Variants in SPG11 observed in about 807,000 individuals in gnomAD.
SPG11 encodes the protein spatacsin.
In SPG11, 222 loss-of-function variants were observed where a neutral mutation model predicts 274.0. That is an observed-to-expected ratio of 0.81 (90% CI 0.73 to 0.91). SPG11 has a LOEUF of 0.91. Ranked by LOEUF, SPG11 falls within the 40% of genes least tolerant of loss-of-function variation. The pLI is 0.00. For missense variants in SPG11, 3,114 were observed against 2,872.7 expected (o/e 1.08, Z -1.92); for synonymous variants, 1,144 against 1,039.7 (o/e 1.10, Z -1.93).
chr15:44,585,702 T>G lies in SPG11; in HGVS notation c.5055A>C (p.Gln1685His). The G allele has an allele frequency of 6.2e-7, 1 of 1,613,804 alleles. No individual in the cohort carries two copies. Among genetic ancestry groups the G allele is most frequent in the Non-Finnish European group, 8.5e-7 (1 of 1,179,936 alleles). The change falls in exon 29 of 40, where the codon CAA (glutamine) becomes CAC (histidine). Residue 1685 changes from glutamine to histidine, a missense_variant. Gln to His is a conservative substitution (Grantham distance 24). Transcript: ENST00000261866. ...CTGCTACCCTCCTGGCCAAAGCGAA[T>G]TGTCCATCTGTCTGCAGTCTTTCCA... Reference protein sequence around the residue: ...SILERLQTDGQFALARRVAEL... With the variant: ...SILERLQTDGHFALARRVAEL...
At chr15:44,598,864 T>A in intron 21 of SPG11, 28 bp from the exon 22 acceptor site, 1 of 1,602,568 alleles carries the variant, frequency 6.2e-7, no homozygotes, top group Non-Finnish European at 8.5e-7. Flanking sequence ...CAAAATCACA[T>A]CAGCACATGA....
At chr15:44,656,771 T>A (rs1413129882) in intron 4 of SPG11, among the ~76,000 whole-genome samples, 1 of 152,128 alleles carries the variant, frequency 6.6e-6, no homozygotes, top group Non-Finnish European at 1.5e-5. Flanking sequence ...ATGGGAAACA[T>A]GAGAAAATTA....
At chr15:44,602,565 G>A (rs1053691289) in intron 20 of SPG11, among the ~76,000 whole-genome samples, 5 of 150,596 alleles carry the variant, frequency 3.3e-5, no homozygotes, top group Admixed American at 6.6e-5. Flanking sequence ...TGCAAGTTCC[G>A]CCTCCCGTAT....
At chr15:44,615,630 G>A in intron 15 of SPG11, 64 bp from the exon 16 acceptor site, 1 of 1,417,262 alleles carries the variant, frequency 7.1e-7, no homozygotes, top group Non-Finnish European at 1.0e-6. Context: ...ACCAAATCAT[G>A]CCCACAGTTT....
Position 44,626,405 on chromosome 15 carries a change from T to C in SPG11, c.2170A>G (p.Ile724Val). 3.1e-6 allele frequency: 5 copies of C among 1,613,918 alleles called. No individual in the cohort carries two copies. The highest frequency in any genetic ancestry group is 4.2e-6 in the Non-Finnish European group (5 of 1,179,918). The change falls in exon 11 of 40, where the codon ATA (isoleucine) becomes GTA (valine). Residue 724 changes from isoleucine to valine, a missense_variant. Coordinates refer to ENST00000261866, the MANE Select transcript of SPG11 (RefSeq NM_025137.4). ...SAQKLEELIG[I>V]GLNLVFDNLK... ...TTGTCAAAGACCAAATTTAGGCCTA[T>C]GCCAATAAGCTCCTCAAGTTTTTGA...
At chr15:44,608,383 G>T in intron 19 of SPG11, 61 bp downstream of exon 19, 1 of 1,548,208 alleles carries the variant, frequency 6.5e-7, no homozygotes, top group South Asian at 1.1e-5. Flanking sequence ...GATCTAGAGT[G>T]ATTTCTGTTT....
chr15:44,649,370 TAAAAAAC>T (rs1464083580), intron 6 of SPG11, among the ~76,000 whole-genome samples: 1 of 152,114 alleles, frequency 6.6e-6, no homozygotes, highest in Non-Finnish European at 1.5e-5. Context: ...AGCTAATTTT[TAAAAAAC>T]TGTTTTGCTA....
At position 44,637,012 on chromosome 15, in the gene SPG11, T is replaced by C. The variant is rs1308632335; in HGVS notation, c.1603-3375A>G. On this transcript the variant is annotated intron_variant, in intron 7 of 39. Transcript: ENST00000261866. ...TTAATAGTTGGTGAACTAGGTGAAA[T>C]TTAACTTAATGTTCATTTTACTAAT... is the stretch of plus-strand genomic sequence containing the variant. Among the ~76,000 whole-genome samples, 9 of 145,592 alleles carry C rather than the reference T, an allele frequency of 6.2e-5. No individual in the cohort carries two copies. In the Admixed American group the frequency reaches 6.2e-4, roughly 10 times the overall value.
At chr15:44,610,051 C>T (rs942120692) in intron 18 of SPG11, among the ~76,000 whole-genome samples, 3 of 151,612 alleles carry the variant, frequency 2.0e-5, no homozygotes, top group African/African-American at 7.3e-5. Flanking sequence ...TACAGGCGTA[C>T]GCTACCATGC....
At chr15:44,613,182 C>T (rs1049574565) in intron 17 of SPG11, among the ~76,000 whole-genome samples, 6 of 152,126 alleles carry the variant, frequency 3.9e-5, no homozygotes, top group African/African-American at 1.2e-4. Flanking sequence ...TTCTAGAGCA[C>T]GATGCTAAGG....
intron 30 of SPG11, among the ~76,000 whole-genome samples, chr15:44,578,931 G>A (rs1188032846): frequency 6.6e-6 from 1 of 152,160 alleles, no homozygotes; most frequent in African/African-American, 2.4e-5. Flanking sequence ...CAAGGTGGGT[G>A]GATCACCTGA....
At chr15:44,660,746 T>C (rs1056242309) in intron 1 of SPG11, 130 bp from the exon 2 acceptor site, 58 of 847,550 alleles carry the variant, frequency 6.8e-5, no homozygotes, top group Non-Finnish European at 9.9e-5. Flanking sequence ...TACACTTCAA[T>C]CTAAGAGAAC....
intron 11 of SPG11, among the ~76,000 whole-genome samples, chr15:44,625,050 G>A (rs537819083): frequency 2.0e-5 from 3 of 149,736 alleles, no homozygotes; most frequent in Non-Finnish European, 3.0e-5. Context: ...TAGGAGAATC[G>A]TTTGAACCTG....
chr15:44,585,629 A>ATGATACC lies in SPG11; in HGVS notation c.5121_5121+6dup. The ATGATACC allele has an allele frequency of 6.6e-7, 1 of 1,521,318 alleles. No individual in the cohort carries two copies. The highest frequency in any genetic ancestry group is 1.7e-5 in the Admixed American group (1 of 59,340). The allele number at this position is 1,521,318 out of a possible 1,614,324, so 94.2% of individuals were successfully genotyped here. A position where few individuals can be genotyped will look rare whatever the true frequency, so the allele number is the denominator to read the frequency against. ...AAAAAAAAAAAAAAAAAAAAGACCG[A>ATGATACC]TGATACCTCTTTAATAACCAAGTTG... On this transcript the variant is annotated splice_region_variant and intron_variant, in intron 29 of 39. Transcript: ENST00000261866.
rs2084800781 is a variant in SPG11, at chr15:44,652,140, G to A, written c.996C>T (p.Phe332=). 5.0e-6 allele frequency: 8 copies of A among 1,614,112 alleles called. No homozygotes were observed. The highest frequency in any genetic ancestry group is 5.9e-6 in the Non-Finnish European group (7 of 1,180,010). The part of the protein sequence containing the change: ...AYNMKLAKFS[F]QIDRSWKAQL... The stretch of plus-strand genomic sequence containing the variant: ...GGAAGTTTCTGTACCTATCAATTTG[G>A]AAGGAAAACTTGGCCAGTTTCATGT... Residue 332 remains phenylalanine, a synonymous_variant, in exon 5 of 40, where the codon TTC becomes TTT. Coordinates refer to ENST00000261866, the MANE Select transcript of SPG11 (RefSeq NM_025137.4).
intron 19 of SPG11, among the ~76,000 whole-genome samples, chr15:44,607,900 T>G (rs1567158892): frequency 6.6e-6 from 1 of 152,204 alleles, no homozygotes; most frequent in Non-Finnish European, 1.5e-5. Context: ...ATAGAGAAGC[T>G]TTTGATGAAA....
intron 18 of SPG11, 117 bp downstream of exon 18, chr15:44,610,723 C>A (rs2083438615): frequency 1.6e-5 from 17 of 1,090,068 alleles, no homozygotes; most frequent in African/African-American, 3.1e-5. Context: ...GCTCTTTAAT[C>A]TAATGAAATA....
In SPG11 at chr15:44,584,087, T is replaced by C; in HGVS notation, c.5593A>G (p.Thr1865Ala). The C allele has an allele frequency of 6.2e-7, 1 of 1,614,274 alleles. No homozygotes were observed. Among genetic ancestry groups the C allele is most frequent in the Admixed American group, 1.7e-5 (1 of 60,032 alleles). ...TTCCAATCCAATCTATTCTCGCATG[T>C]CTCTTTGGATGGAAGGCTGTTAAGT... ...LELNSLPSKETCENRLDWKEQ... is the reference protein window; with the variant it reads ...LELNSLPSKEACENRLDWKEQ... The change falls in exon 30 of 40, where the codon ACA (threonine) becomes GCA (alanine). Residue 1865 changes from threonine (T) to alanine (A), a missense_variant. Physicochemically the swap from Thr to Ala is moderately conservative, Grantham distance 58 (BLOSUM62 0). Coordinates refer to ENST00000261866, the MANE Select transcript of SPG11 (RefSeq NM_025137.4).
At chr15:44,658,461 CTT>C (rs566387319) in intron 3 of SPG11, among the ~76,000 whole-genome samples, 22 of 139,782 alleles carry the variant, frequency 1.6e-4, no homozygotes, top group Admixed American at 2.9e-4. Flanking sequence ...ACAACATAAG[CTT>C]TTTTTTTTTT....
Sources: allele counts gnomAD v4.1 joint callset (sites outside exome capture counted in the v4.1 genomes callset), GRCh38; gene constraint gnomAD v4.1.1; transcripts MANE v1.5; gene names NCBI Gene and HGNC (gene_info 2026-07-23, HGNC 2026-07-21).